NCAPD2: variants seen among roughly 807,000 people sequenced by gnomAD.
NCAPD2 encodes the protein non-SMC condensin I complex subunit D2.
In NCAPD2, 100 loss-of-function variants were observed where a neutral mutation model predicts 164.5. The observed-to-expected ratio is 0.61, with a 90% CI of 0.52 to 0.72. The LOEUF is 0.72. Among genes scored for constraint, NCAPD2 ranks in the 30% least tolerant of loss-of-function variants. The pLI is 0.00. For missense variants in NCAPD2, 1,560 were observed against 1,749.2 expected (o/e 0.89, Z 1.93); for synonymous variants, 585 against 642.6 (o/e 0.91, Z 1.36).
In NCAPD2 at chr12:6,528,458, C is replaced by A; in HGVS notation, c.3299+130C>A. 7.6e-7 allele frequency: 1 copy of A among 1,313,584 alleles called. No individual in the cohort carries two copies. The highest frequency in any genetic ancestry group is 1.1e-6 in the Non-Finnish European group (1 of 944,300). 81.4% of individuals were successfully genotyped at this position (1,313,584 alleles called of 1,614,324 possible). A position where few individuals can be genotyped will look rare whatever the true frequency, so the allele number is the denominator to read the frequency against. The stretch of plus-strand genomic sequence containing the variant: ...CGCGAACATCTGCTTGATACTTGAC[C>A]TGTACAGGCCCCTGGCTAAGAGTCA... On this transcript the variant is annotated intron_variant, in intron 25 of 31. Coordinates refer to ENST00000315579, the MANE Select transcript of NCAPD2 (RefSeq NM_014865.4). This position sits in a 1 kb window ranked among gnomAD's most constrained non-coding sequence, Gnocchi z 5.1.
chr12:6,510,594 G>C (rs747877174), intron 4 of NCAPD2, 35 bp from the exon 5 acceptor site: 2 of 1,611,246 alleles, frequency 1.2e-6, no homozygotes, highest in Non-Finnish European at 1.7e-6. Flanking sequence ...TGAAAGAAGT[G>C]AGTGAAACTG....
Position 6,514,368 on chromosome 12 carries a change from T to G in NCAPD2, c.691T>G (p.Leu231Val), listed in dbSNP as rs770307249. 6.2e-7 allele frequency: 1 copy of G among 1,614,222 alleles called. No homozygotes were observed. Among genetic ancestry groups the G allele is most frequent in the Non-Finnish European group, 8.5e-7 (1 of 1,180,036 alleles). ...EAITHLLGVALTRYNHMLSAT... is the reference protein window; with the variant it reads ...EAITHLLGVAVTRYNHMLSAT... ...CATAACACACCTGCTTGGTGTAGCCTTGACCCGTTATAACCATATGCTCAG... is the reference window on the plus strand; with the variant it reads ...CATAACACACCTGCTTGGTGTAGCCGTGACCCGTTATAACCATATGCTCAG... The change falls in exon 7 of 32, where the codon TTG becomes GTG. Residue 231 changes from leucine to valine, a missense_variant. Leu to Val is a conservative substitution (Grantham distance 32). Coordinates refer to ENST00000315579, the MANE Select transcript of NCAPD2 (RefSeq NM_014865.4).
rs775326867 is a variant in NCAPD2, at chr12:6,511,214, C to T, written c.549C>T (p.His183=). The T allele has an allele frequency of 2.5e-6, 4 of 1,614,090 alleles. No individual in the cohort carries two copies. The South Asian group carries it at 3.3e-5, about 13-fold the overall frequency. The change falls in exon 6 of 32, where the codon CAC becomes CAT. Residue 183 remains histidine (H), a synonymous_variant. Coordinates refer to ENST00000315579, the MANE Select transcript of NCAPD2 (RefSeq NM_014865.4). ...AGCTACTTCAGTTGGACATCCGTCA[C>T]CTGTGGAACCACTCAATAATTGAAG... ...LTQLLQLDIR[H]LWNHSIIEEE... is the part of the protein sequence containing the mutation.
intron 2 of NCAPD2, among the ~76,000 whole-genome samples, chr12:6,499,300 C>T (rs1226395784): frequency 6.6e-6 from 1 of 152,024 alleles, no homozygotes; most frequent in Non-Finnish European, 1.5e-5. Flanking sequence ...CAACCTTCAC[C>T]TCCTGGGCTC....
rs1369702733 is a variant in NCAPD2, at chr12:6,527,955, A to AT, written c.3020-13_3020-12insT. The stretch of plus-strand genomic sequence containing the variant: ...GATAACCTGTCCCAAACCTGCAGTT[A>AT]CTCTTCCAACAGGCAAACAGACACT... On this transcript the variant is annotated splice_polypyrimidine_tract_variant and intron_variant, in intron 23 of 31. Coordinates refer to ENST00000315579, the MANE Select transcript of NCAPD2 (RefSeq NM_014865.4). The AT allele has an allele frequency of 3.0e-5, 48 of 1,614,144 alleles. No homozygotes were observed. Among genetic ancestry groups the AT allele is most frequent in the Non-Finnish European group, 4.0e-5 (47 of 1,180,016 alleles).
Position 6,517,828 on chromosome 12 carries a change from G to C in NCAPD2, c.1458G>C (p.Leu486Phe). ...EEEWEAMLPE[L>F]KSTLQQLLQL... ...AGTGGGAAGCCATGCTGCCAGAGTT[G>C]AAGTCTACCCTGCAGCAGCTTCTAC... Residue 486 changes from leucine (L) to phenylalanine (F), a missense_variant, in exon 13 of 32, where the codon TTG becomes TTC. Leu to Phe is a conservative substitution (Grantham distance 22). Transcript: ENST00000315579. 2 of 1,614,154 alleles carry C rather than the reference G, an allele frequency of 1.2e-6. No individual in the cohort carries two copies. Among genetic ancestry groups the C allele is most frequent in the Non-Finnish European group, 1.7e-6 (2 of 1,180,028 alleles).
chr12:6,497,779 C>T (rs1302500487), intron 2 of NCAPD2, among the ~76,000 whole-genome samples: 4 of 151,968 alleles, frequency 2.6e-5, no homozygotes, highest in East Asian at 1.9e-4. Context: ...CCACCACGCC[C>T]GGCTAATTTT....
intron 2 of NCAPD2, among the ~76,000 whole-genome samples, chr12:6,496,063 T>TC (rs1458551419): frequency 2.0e-5 from 3 of 150,132 alleles, no homozygotes; most frequent in Non-Finnish European, 3.0e-5. Flanking sequence ...GTTTTTCTTT[T>TC]TTTTTTTTTT....
chr12:6,502,811 C>CA (rs1179203116), intron 2 of NCAPD2, among the ~76,000 whole-genome samples: 67 of 147,822 alleles, frequency 4.5e-4, no homozygotes, highest in Non-Finnish European at 8.3e-4. Context: ...AACCCTGTCT[C>CA]AAAAAAAATT....
rs1406776765 is a variant in NCAPD2, at chr12:6,504,216, TAGATATAG to T, written c.128-5499_128-5492del. Reference sequence around the variant, plus strand: ...ATATATATATATATATATATATATATAGATATAGATATATATATATATATATACCATTG... The same window carrying T: ...ATATATATATATATATATATATATATATATATATATATATATATACCATTG... On this transcript the variant is annotated intron_variant, in intron 2 of 31. Coordinates refer to ENST00000315579, the MANE Select transcript of NCAPD2 (RefSeq NM_014865.4). Among the ~76,000 whole-genome samples the T allele has an allele frequency of 2.2e-3, 50 of 23,232 alleles. No homozygotes were observed. The East Asian group carries it at 0.022, about 10-fold the overall frequency. The allele number at this position is 23,232 out of a possible 152,430, so 15.2% of individuals were successfully genotyped here.
chr12:6,528,832 C>G lies in NCAPD2; in HGVS notation c.3453C>G (p.Asn1151Lys). 1.2e-6 allele frequency: 2 copies of G among 1,613,734 alleles called. No homozygotes were observed. Among genetic ancestry groups the G allele is most frequent in the South Asian group, 2.2e-5 (2 of 91,070 alleles). ...PEPQIAALAK[N>K]FFNELSHKGN... is the part of the protein sequence containing the mutation. ...CTCAGATTGCTGCCCTGGCCAAGAA[C>G]TTCTTCAATGAGCTCTCCCACAAGG... is the stretch of plus-strand genomic sequence containing the variant. Residue 1151 changes from asparagine to lysine, a missense_variant, in exon 26 of 32, where the codon AAC becomes AAG. By Grantham distance (94) the Asn-to-Lys change is moderately conservative (BLOSUM62 0). Coordinates refer to ENST00000315579, the MANE Select transcript of NCAPD2 (RefSeq NM_014865.4). The surrounding 1 kb of genome is among the most constrained non-coding windows in gnomAD (Gnocchi z 5.1).
At chr12:6,500,286 G>A (rs1363862177) in intron 2 of NCAPD2, among the ~76,000 whole-genome samples, 1 of 152,068 alleles carries the variant, frequency 6.6e-6, no homozygotes, top group Non-Finnish European at 1.5e-5. Flanking sequence ...ATAATATAAA[G>A]AAGAAGATAG....
Position 6,523,366 on chromosome 12 carries a change from C to T in NCAPD2, c.2214+20C>T. 1 of 1,391,884 alleles carries T rather than the reference C, an allele frequency of 7.2e-7. No homozygotes were observed. Among genetic ancestry groups the T allele is most frequent in the Non-Finnish European group, 1.0e-6 (1 of 999,454 alleles). The allele number at this position is 1,391,884 out of a possible 1,614,324, so 86.2% of individuals were successfully genotyped here. A position where few individuals can be genotyped will look rare whatever the true frequency, so the allele number is the denominator to read the frequency against. ...GAAATTGTAAGGCTTCCTGCTTTCT[C>T]TTTCTTTATTCATTCAACAAGTATT... On this transcript the variant is annotated intron_variant, in intron 17 of 31. Transcript: ENST00000315579.
chr12:6,509,946 C>A (rs144406222), intron 3 of NCAPD2, 129 bp from the exon 4 acceptor site: 4 of 1,270,634 alleles, frequency 3.1e-6, no homozygotes, highest in Non-Finnish European at 4.5e-6. Flanking sequence ...AGCTTGCCAC[C>A]GTATTTATTC....
intron 13 of NCAPD2, among the ~76,000 whole-genome samples, chr12:6,518,520 T>TTTTTTGTTTTTTTTG (rs1946231852): frequency 8.8e-6 from 1 of 113,982 alleles, no homozygotes; most frequent in Admixed American, 9.0e-5. Context: ...TTTTTTTTTT[T>TTTTTTGTTTTTTTTG]TTTTTTTTTT....
chr12:6,515,257 T>G (rs1315707003), intron 9 of NCAPD2, among the ~76,000 whole-genome samples: 5 of 152,030 alleles, frequency 3.3e-5, no homozygotes, highest in Admixed American at 2.6e-4. Flanking sequence ...TGATCATAGC[T>G]CATTGCAGCC....
Position 6,526,197 on chromosome 12 carries a change from A to G in NCAPD2, c.2478A>G (p.Arg826=), listed in dbSNP as rs1295635427. 1.2e-6 allele frequency: 2 copies of G among 1,614,100 alleles called. No individual in the cohort carries two copies. Among genetic ancestry groups the G allele is most frequent in the Admixed American group, 1.7e-5 (1 of 60,018 alleles). Residue 826 remains arginine (R), a synonymous_variant, in exon 19 of 32, where the codon AGA becomes AGG. Transcript: ENST00000315579. ...CHAIANISDR[R]KPSLGKRHPP... ...CCATTGCCAACATCTCGGACAGGAG[A>G]AAGGTATGTGGGGGTGGTTCCAAAC...
At chr12:6,496,393 G>A (rs1945985086) in intron 2 of NCAPD2, among the ~76,000 whole-genome samples, 1 of 151,958 alleles carries the variant, frequency 6.6e-6, no homozygotes, top group South Asian at 2.1e-4. Flanking sequence ...GTCCAGAAGT[G>A]GAAAAAGGAA....
In NCAPD2 at chr12:6,528,927, GCTCT is replaced by G. The variant is rs771580203; in HGVS notation, c.3478-13_3478-10del. ...TAGGTCACCTCATCTCCTTAACATGGCTCTCTCTGTCTTACAGGGCAACGCAATC... is the reference window on the plus strand; with the variant it reads ...TAGGTCACCTCATCTCCTTAACATGGCTCTGTCTTACAGGGCAACGCAATC... On this transcript the variant is annotated splice_polypyrimidine_tract_variant and intron_variant, in intron 26 of 31. Transcript: ENST00000315579. The surrounding 1 kb of genome is among the most constrained non-coding windows in gnomAD (Gnocchi z 5.1). 112 of 1,613,774 alleles carry G rather than the reference GCTCT, an allele frequency of 6.9e-5. No individual in the cohort carries two copies. The highest frequency in any genetic ancestry group is 9.4e-5 in the Non-Finnish European group (111 of 1,179,852).
Sources: allele counts gnomAD v4.1 joint callset (sites outside exome capture counted in the v4.1 genomes callset), GRCh38; gene constraint gnomAD v4.1.1; non-coding constraint Gnocchi (gnomAD v3.1); transcripts MANE v1.5; gene names NCBI Gene and HGNC (gene_info 2026-07-23, HGNC 2026-07-21).